AK7: variants seen among roughly 807,000 people sequenced by gnomAD.
The protein encoded by AK7 is ATP-AMP transphosphorylase 7.
In AK7, 78 loss-of-function variants were observed where a neutral mutation model predicts 96.6. The observed-to-expected ratio is 0.81, with a 90% confidence interval of 0.67 to 0.97. The LOEUF is 0.97. Among genes scored for constraint, AK7 ranks in the 50% least tolerant of loss-of-function variants. The pLI, the probability that AK7 is intolerant of heterozygous loss-of-function variation, is 0.00. For synonymous variants in AK7, 302 were observed against 317.2 expected (o/e 0.95, Z 0.51); for missense variants, 855 against 887.9 (o/e 0.96, Z 0.47).
intron 12 of AK7, among the ~76,000 whole-genome samples, chr14:96,470,439 G>A (rs1894821635): frequency 6.6e-6 from 1 of 152,164 alleles, no homozygotes; most frequent in African/African-American, 2.4e-5. Flanking sequence ...GCTGCGTTTT[G>A]AACATTGTAG....
chr14:96,477,126 G>C (rs909632387), intron 14 of AK7, among the ~76,000 whole-genome samples: 2 of 152,166 alleles, frequency 1.3e-5, no homozygotes, highest in Non-Finnish European at 2.9e-5. Context: ...CAAAAAATAG[G>C]AACAACTTAC....
In AK7 at chr14:96,471,538, G is replaced by T. The variant is rs779076001; in HGVS notation, c.1418G>T (p.Cys473Phe). 8.2e-6 allele frequency: 13 copies of T among 1,584,532 alleles called. No individual in the cohort carries two copies. The highest frequency in any genetic ancestry group is 6.8e-5 in the East Asian group (3 of 44,278). ...AAAGAAAAGCTAAAATCAATGCCTT[G>T]CAGGAATCAAGGTTATATTTTGGAT... ...FMKEKLKSMP[C>F]RNQGYILDGF... Residue 473 changes from cysteine to phenylalanine, a missense_variant, in exon 13 of 18, where the codon TGC becomes TTC. Coordinates refer to ENST00000267584, the MANE Select transcript of AK7 (RefSeq NM_152327.5).
chr14:96,403,152 A>AAATAAATAAATAAATG (rs1211273525), intron 2 of AK7, among the ~76,000 whole-genome samples: 4 of 147,854 alleles, frequency 2.7e-5, no homozygotes, highest in East Asian at 2.0e-4. Flanking sequence ...ATAAATAAAT[A>AAATAAATAAATAAATG]AATGGAGGTC....
intron 3 of AK7, 127 bp downstream of exon 3, chr14:96,404,992 T>C: frequency 2.1e-6 from 1 of 485,794 alleles, no homozygotes; most frequent in East Asian, 3.0e-5. Context: ...TTACCTAAAG[T>C]ATGAAATCCA....
At chr14:96,397,754 A>G (rs2139976876) in intron 1 of AK7, among the ~76,000 whole-genome samples, 2 of 152,288 alleles carry the variant, frequency 1.3e-5, no homozygotes, top group South Asian at 4.1e-4. Context: ...CTCCTATTAC[A>G]TTTCTATATT....
chr14:96,414,369 T>C (rs908341135), intron 4 of AK7, among the ~76,000 whole-genome samples: 14 of 152,332 alleles, frequency 9.2e-5, no homozygotes, highest in South Asian at 4.1e-4. Flanking sequence ...GCCCGGAATA[T>C]GTAGTCTAAC....
chr14:96,428,533 C>A (rs1430724315), intron 5 of AK7, among the ~76,000 whole-genome samples: 1 of 152,170 alleles, frequency 6.6e-6, no homozygotes, highest in Non-Finnish European at 1.5e-5. Flanking sequence ...CTTGAGGAAT[C>A]GCCACACTGT....
Position 96,462,499 on chromosome 14 carries a change from G to A in AK7, c.1357+4287G>A, listed in dbSNP as rs76165323. 8.5e-3 allele frequency among the ~76,000 whole-genome samples: 1,298 copies of A among 152,252 alleles called. 9 individuals are homozygous for A. The highest frequency in any genetic ancestry group is 0.015 in the Non-Finnish European group (1,003 of 68,008). ...AACGAGTTTCCCAGTCCCACAGTGAGGCCCCTCCATGTCCTAACTCCACTC... is the reference window on the plus strand; with the variant it reads ...AACGAGTTTCCCAGTCCCACAGTGAAGCCCCTCCATGTCCTAACTCCACTC... On this transcript the variant is annotated intron_variant, in intron 12 of 17. Coordinates refer to ENST00000267584, the MANE Select transcript of AK7 (RefSeq NM_152327.5).
intron 5 of AK7, among the ~76,000 whole-genome samples, chr14:96,431,340 A>G (rs1345161644): frequency 1.3e-5 from 2 of 151,794 alleles, no homozygotes; most frequent in African/African-American, 4.8e-5. Context: ...TAGTTCTTTC[A>G]ATTGTGATGT....
chr14:96,410,143 T>C (rs1365638761), intron 4 of AK7, among the ~76,000 whole-genome samples: 1 of 152,208 alleles, frequency 6.6e-6, no homozygotes, highest in Non-Finnish European at 1.5e-5. Flanking sequence ...ATTTGTTTAA[T>C]TGTCTCTCCC....
intron 10 of AK7, among the ~76,000 whole-genome samples, chr14:96,452,345 C>A (rs1893654139): frequency 6.6e-6 from 1 of 151,280 alleles, no homozygotes; most frequent in African/African-American, 2.4e-5. Context: ...TTTATTCAGA[C>A]AGAGTCTCAC....
intron 5 of AK7, chr14:96,423,588 C>G: frequency 2.0e-6 from 1 of 498,810 alleles, no homozygotes; most frequent in East Asian, 5.0e-5. Flanking sequence ...CAGGTCTTGT[C>G]TGTCCAAAGG....
intron 8 of AK7, among the ~76,000 whole-genome samples, chr14:96,447,463 C>T (rs1264680604): frequency 1.3e-5 from 2 of 151,898 alleles, no homozygotes; most frequent in African/African-American, 4.8e-5. Context: ...CACAGGCGTG[C>T]ACCACCGTAC....
intron 10 of AK7, among the ~76,000 whole-genome samples, chr14:96,454,427 G>A (rs1346674172): frequency 6.6e-6 from 1 of 151,584 alleles, no homozygotes. Flanking sequence ...AAGTTTATCA[G>A]CAGGAGAAAT....
intron 10 of AK7, among the ~76,000 whole-genome samples, chr14:96,452,574 C>T (rs1440128926): frequency 2.0e-5 from 3 of 152,216 alleles, no homozygotes; most frequent in East Asian, 3.8e-4. Flanking sequence ...GATCCGCCTG[C>T]GTTGGCCTCC....
intron 4 of AK7, among the ~76,000 whole-genome samples, chr14:96,414,757 C>CTTTTTTT (rs10694621): frequency 1.0e-5 from 1 of 100,128 alleles, no homozygotes; most frequent in Non-Finnish European, 1.9e-5. Flanking sequence ...AGGATTCCTT[C>CTTTTTTT]TTTTTTTTTT....
At chr14:96,471,746 C>G (rs1302426076) in intron 13 of AK7, 140 bp downstream of exon 13, 1 of 725,830 alleles carries the variant, frequency 1.4e-6, no homozygotes, top group Non-Finnish European at 2.0e-6. Context: ...CCTTTCTTTA[C>G]GTAGCTTTTT....
chr14:96,483,268 G>A, intron 16 of AK7, 49 bp downstream of exon 16: 1 of 1,538,538 alleles, frequency 6.5e-7, no homozygotes, highest in Non-Finnish European at 8.8e-7. Context: ...GAACAGGGGT[G>A]CGGTGCCTGG....
At chr14:96,396,706 A>G (rs1411422637) in intron 1 of AK7, among the ~76,000 whole-genome samples, 1 of 152,240 alleles carries the variant, frequency 6.6e-6, no homozygotes, top group Non-Finnish European at 1.5e-5. Flanking sequence ...GATTGTTGAC[A>G]TATATAAGTA....
Sources: allele counts gnomAD v4.1 joint callset (sites outside exome capture counted in the v4.1 genomes callset), GRCh38; gene constraint gnomAD v4.1.1; transcripts MANE v1.5; gene names NCBI Gene and HGNC (gene_info 2026-07-23, HGNC 2026-07-21).